PLEKHH2: variants seen among roughly 807,000 people sequenced by gnomAD.
The protein encoded by PLEKHH2 is pleckstrin homology, MyTH4 and FERM domain containing H2.
In PLEKHH2, 129 loss-of-function variants were observed where a neutral mutation model predicts 187.9. The observed-to-expected ratio is 0.69, with a 90% CI of 0.59 to 0.79. The LOEUF is 0.79. Ranked by LOEUF, PLEKHH2 falls within the 30% of genes least tolerant of loss-of-function variation. The pLI is 0.00. For synonymous variants in PLEKHH2, 686 were observed against 605.6 expected, an observed-to-expected ratio of 1.13 and a Z score of -1.95; for missense variants, 2,076 against 1,751.2, an observed-to-expected ratio of 1.19 and a Z score of -3.31.
chr2:43,732,739 T>C (rs944353904), intron 19 of PLEKHH2, among the ~76,000 whole-genome samples: 1 of 152,192 alleles, frequency 6.6e-6, no homozygotes, highest in Admixed American at 6.5e-5. Context: ...CTTCCTTCCT[T>C]ATCTAGTCTG....
At chr2:43,657,384 C>T (rs1666840045) in intron 2 of PLEKHH2, among the ~76,000 whole-genome samples, 1 of 152,110 alleles carries the variant, frequency 6.6e-6, no homozygotes, top group South Asian at 2.1e-4. Context: ...AGTGGTGAAA[C>T]AACTGGAAAC....
intron 3 of PLEKHH2, among the ~76,000 whole-genome samples, chr2:43,684,950 G>A (rs1475580970): frequency 6.6e-6 from 1 of 152,098 alleles, no homozygotes; most frequent in Non-Finnish European, 1.5e-5. Flanking sequence ...CACTTCAGAA[G>A]GACTTTTTTT....
At chr2:43,654,491 G>T (rs965526516) in intron 2 of PLEKHH2, among the ~76,000 whole-genome samples, 1 of 151,546 alleles carries the variant, frequency 6.6e-6, no homozygotes, top group Non-Finnish European at 1.5e-5. Context: ...CACTGCGCCC[G>T]GCCAGGTGTT....
At chr2:43,753,792 GA>G (rs1672097914) in intron 25 of PLEKHH2, 32 bp downstream of exon 25, 1 of 1,409,488 alleles carries the variant, frequency 7.1e-7, no homozygotes. Flanking sequence ...GTAATATATT[GA>G]AATAATATGA....
chr2:43,723,932 G>A (rs960951609), intron 16 of PLEKHH2, among the ~76,000 whole-genome samples: 3 of 152,218 alleles, frequency 2.0e-5, no homozygotes, highest in Admixed American at 1.3e-4. Flanking sequence ...TTGTGGTTTA[G>A]TGGTGCTGTG....
intron 29 of PLEKHH2, 135 bp from the exon 30 acceptor site, chr2:43,765,274 ATTGT>A (rs1672576800): frequency 2.8e-6 from 2 of 723,958 alleles, no homozygotes; most frequent in Non-Finnish European, 4.4e-6. Flanking sequence ...TAAGCACTTC[ATTGT>A]TTGATCTAGA....
At chr2:43,689,052 A>G (rs1176349207) in intron 3 of PLEKHH2, among the ~76,000 whole-genome samples, 1 of 152,154 alleles carries the variant, frequency 6.6e-6, no homozygotes, top group African/African-American at 2.4e-5. Context: ...AGCATAAACT[A>G]TGTGGTGTGG....
At chr2:43,693,435 T>C (rs1320402489) in intron 4 of PLEKHH2, among the ~76,000 whole-genome samples, 1 of 152,158 alleles carries the variant, frequency 6.6e-6, no homozygotes, top group Non-Finnish European at 1.5e-5. Flanking sequence ...TGGAATCAAG[T>C]AATCTAGTTT....
At position 43,743,984 on chromosome 2, in the gene PLEKHH2, A is replaced by T; in HGVS notation, c.3550A>T (p.Ile1184Phe). ...TTTAGAGCATTGTCTTCAAGGAAAC[A>T]TCAAGGTGAAACCAAGTCCTTTTCA... ...RDLEHCLQGN[I>F]KICDIISKWE... is the part of the protein sequence containing the mutation. Residue 1184 changes from isoleucine to phenylalanine, a missense_variant, in exon 23 of 30, where the codon ATC becomes TTC. Coordinates refer to ENST00000282406, the MANE Select transcript of PLEKHH2 (RefSeq NM_172069.4). The T allele has an allele frequency of 1.2e-6, 2 of 1,613,394 alleles. No homozygotes were observed. Among genetic ancestry groups the T allele is most frequent in the South Asian group, 2.2e-5 (2 of 90,946 alleles).
intron 15 of PLEKHH2, among the ~76,000 whole-genome samples, chr2:43,717,300 C>T (rs1424722036): frequency 6.6e-6 from 1 of 152,090 alleles, no homozygotes. Context: ...TGCCTGTAAT[C>T]CCAGCTATTC....
At position 43,753,620 on chromosome 2, in the gene PLEKHH2, C is replaced by T; in HGVS notation, c.3655C>T (p.Leu1219=). The T allele has an allele frequency of 6.9e-7, 1 of 1,455,592 alleles. No individual in the cohort carries two copies. Among genetic ancestry groups the T allele is most frequent in the Non-Finnish European group, 9.1e-7 (1 of 1,098,510 alleles). 90.2% of individuals were successfully genotyped at this position (1,455,592 alleles called of 1,614,324 possible). A position where few individuals can be genotyped will look rare whatever the true frequency, so the allele number is the denominator to read the frequency against. ...GAAATTTACTCTTTTTTTTTACAGA[C>T]TATATTTCTCAGTGCAAGCTCGTGG... The part of the protein sequence containing the change: ...RTVRLTYKNR[L]YFSVQARGET... Residue 1219 remains leucine, a splice_region_variant and synonymous_variant, in exon 25 of 30, where the codon CTA becomes TTA. Transcript: ENST00000282406.
At chr2:43,711,037 G>T in intron 14 of PLEKHH2, 11 of 990,566 alleles carry the variant, frequency 1.1e-5, no homozygotes, top group Non-Finnish European at 1.3e-5. Context: ...TGAGCAGAGG[G>T]AGTGTGCTGC....
intron 10 of PLEKHH2, 68 bp downstream of exon 10, chr2:43,706,484 C>A: frequency 8.7e-7 from 1 of 1,146,588 alleles, no homozygotes; most frequent in Non-Finnish European, 1.3e-6. Flanking sequence ...ATTGTTAATT[C>A]AAGCTCCAGA....
intron 18 of PLEKHH2, among the ~76,000 whole-genome samples, chr2:43,730,018 C>G (rs1212672356): frequency 1.3e-5 from 2 of 152,106 alleles, no homozygotes; most frequent in South Asian, 2.1e-4. Flanking sequence ...GCAGTCCTCA[C>G]CAACATAATG....
Position 43,729,757 on chromosome 2 carries a change from A to C in PLEKHH2, c.2830+12A>C, listed in dbSNP as rs1312572827. 67 of 1,556,546 alleles carry C rather than the reference A, an allele frequency of 4.3e-5. No individual in the cohort carries two copies. The highest frequency in any genetic ancestry group is 5.9e-5 in the Non-Finnish European group (67 of 1,142,480). On this transcript the variant is annotated intron_variant, in intron 18 of 29. Transcript: ENST00000282406. ...AGACGGGGAGCCTTGTAAGTTCATAAACATATAAATAAAGCTTTATGGTTA... is the reference window on the plus strand; with the variant it reads ...AGACGGGGAGCCTTGTAAGTTCATACACATATAAATAAAGCTTTATGGTTA...
At chr2:43,727,416 A>T (rs1391416103) in intron 17 of PLEKHH2, among the ~76,000 whole-genome samples, 1 of 151,694 alleles carries the variant, frequency 6.6e-6, no homozygotes, top group Non-Finnish European at 1.5e-5. Context: ...GTCTCAAAAA[A>T]AAAAAGAACA....
intron 17 of PLEKHH2, among the ~76,000 whole-genome samples, chr2:43,728,562 CTTTT>C (rs112664271): frequency 0.33 from 44,271 of 135,614 alleles, 7,996 homozygotes; most frequent in Admixed American, 0.41. Context: ...ACACAATACT[CTTTT>C]TTTTTTTTTT....
intron 28 of PLEKHH2, among the ~76,000 whole-genome samples, chr2:43,763,038 A>G (rs1316519786): frequency 6.6e-6 from 1 of 152,196 alleles, no homozygotes; most frequent in African/African-American, 2.4e-5. Context: ...TCTGGAAACC[A>G]AACTATTCTT....
chr2:43,731,690 G>T, intron 19 of PLEKHH2, 88 bp downstream of exon 19: 1 of 913,784 alleles, frequency 1.1e-6, no homozygotes, highest in Middle Eastern at 3.3e-4. Flanking sequence ...ATAACATTTT[G>T]GGTTACAAAA....
Sources: gnomAD v4.1 joint callset for allele counts (sites outside exome capture counted in the v4.1 genomes callset) on GRCh38, gnomAD v4.1.1 for gene constraint, MANE v1.5 for transcripts, NCBI Gene and HGNC (gene_info 2026-07-23, HGNC 2026-07-21) for gene names.